MATN4: variants seen among roughly 807,000 people sequenced by gnomAD.
The protein encoded by MATN4 is matrilin 4.
In MATN4, 40 loss-of-function variants were observed where a neutral mutation model predicts 54.6. That is an observed-to-expected ratio of 0.73 (90% CI 0.57 to 0.95). MATN4 has a LOEUF of 0.95. Ranked by LOEUF, MATN4 falls within the 40% of genes least tolerant of loss-of-function variation. The probability of loss-of-function intolerance (pLI) is 0.00; values close to 1 mark genes in which losing one functional copy is unlikely to be tolerated. For synonymous variants in MATN4, 351 were observed against 345.3 expected, an observed-to-expected ratio of 1.02 and a Z score of -0.18; for missense variants, 810 against 819.1, an observed-to-expected ratio of 0.99 and a Z score of 0.13.
chr20:45,305,583 G>T lies in MATN4; in HGVS notation c.-1C>A. The T allele has an allele frequency of 6.4e-7, 1 of 1,557,530 alleles. No individual in the cohort carries two copies. The highest frequency in any genetic ancestry group is 1.2e-5 in the South Asian group (1 of 84,368). On this transcript the variant is annotated 5_prime_UTR_variant, in exon 2 of 10. Coordinates refer to ENST00000372756, the MANE Select transcript of MATN4 (RefSeq NM_001393530.1). ...CGGGCCAGCAAAGAAGGCCTCTCAT[G>T]GCGCTTGGGGACAGAGAATGGAGGT...
At chr20:45,296,680 A>G (rs1003721428) in intron 8 of MATN4, among the ~76,000 whole-genome samples, 1 of 152,190 alleles carries the variant, frequency 6.6e-6, no homozygotes, top group African/African-American at 2.4e-5. Context: ...TCACATAGGA[A>G]GAGCTCTGAA....
At chr20:45,303,424 C>G (rs1295917683) in intron 3 of MATN4, 1 of 716,996 alleles carries the variant, frequency 1.4e-6, no homozygotes, top group Non-Finnish European at 2.6e-6. Context: ...TAGCTTGTAG[C>G]CTGGGTTGCA....
Position 45,301,091 on chromosome 20 carries a change from G to C in MATN4, c.889+11C>G. ...TTACCCCTCCCACAAATGTAGGAGA[G>C]CCCTCCTCACCCTGACAGCTCCTCC... On this transcript the variant is annotated intron_variant, in intron 5 of 9. Transcript: ENST00000372756. 6.2e-7 allele frequency: 1 copy of C among 1,614,080 alleles called. No homozygotes were observed. Among genetic ancestry groups the C allele is most frequent in the Non-Finnish European group, 8.5e-7 (1 of 1,180,006 alleles).
In MATN4 at chr20:45,293,498, A is replaced by G. The variant is rs1985598791; in HGVS notation, c.*269T>C. On this transcript the variant is annotated 3_prime_UTR_variant, in exon 10 of 10. Transcript: ENST00000372756. ...TTTAAGAACACAAACAAGAAATCCAACAAAGAACTGAGCGCAGCACGCGGC... is the reference window on the plus strand; with the variant it reads ...TTTAAGAACACAAACAAGAAATCCAGCAAAGAACTGAGCGCAGCACGCGGC... The G allele has an allele frequency of 1.7e-5, 7 of 420,714 alleles. No homozygotes were observed. The highest frequency in any genetic ancestry group is 2.5e-5 in the Non-Finnish European group (6 of 239,640). The allele number at this position is 420,714 out of a possible 1,614,324, so 26.1% of individuals were successfully genotyped here.
At position 45,304,296 on chromosome 20, in the gene MATN4, T is replaced by C. The variant is rs772372667; in HGVS notation, c.575A>G (p.His192Arg). 1 of 1,549,928 alleles carries C rather than the reference T, an allele frequency of 6.5e-7. No individual in the cohort carries two copies. Among genetic ancestry groups the C allele is most frequent in the Non-Finnish European group, 8.7e-7 (1 of 1,151,168 alleles). The stretch of plus-strand genomic sequence containing the variant: ...GTCGAAGGACTCTACGAGGAAGACG[T>C]GCTCGTCTAGCGGGGGCGATGCCAT... ...RAMASPPLDE[H>R]VFLVESFDLI... Residue 192 changes from histidine to arginine, a missense_variant, in exon 3 of 10, where the codon CAC becomes CGC. By Grantham distance (29) the His-to-Arg change is conservative. Coordinates refer to ENST00000372756, the MANE Select transcript of MATN4 (RefSeq NM_001393530.1).
chr20:45,296,452 T>C (rs780454841), intron 8 of MATN4, among the ~76,000 whole-genome samples: 5 of 152,156 alleles, frequency 3.3e-5, no homozygotes, highest in Non-Finnish European at 5.9e-5. Flanking sequence ...GACCCCTAAC[T>C]TCACAGATTT....
rs7362538 is a variant in MATN4, at chr20:45,298,270, T to G, written c.1326A>C (p.Ala442=). The change falls in exon 7 of 10, where the codon GCA becomes GCC. Residue 442 remains alanine (A), a synonymous_variant. Coordinates refer to ENST00000372756, the MANE Select transcript of MATN4 (RefSeq NM_001393530.1). The surrounding 1 kb of genome is among the most constrained non-coding windows in gnomAD (Gnocchi z 4.6). ...GAGGCACGTTAAGGGCACGGGGCCG[T>G]GCACCCTGCGCCTCGGAGAAGCTGT... The part of the protein sequence containing the change: ...VEHSFSEAQG[A]RPRALNVPRV... 1.2e-6 allele frequency: 2 copies of G among 1,613,382 alleles called. No individual in the cohort carries two copies. Among genetic ancestry groups the G allele is most frequent in the Non-Finnish European group, 1.7e-6 (2 of 1,179,870 alleles).
intron 3 of MATN4, among the ~76,000 whole-genome samples, chr20:45,302,247 T>C (rs185443422): frequency 4.6e-5 from 7 of 152,028 alleles, no homozygotes; most frequent in African/African-American, 1.2e-4. Context: ...TGGAGAGAGA[T>C]TTGAATGTTA....
In MATN4 at chr20:45,297,976, G is replaced by A. The variant is rs1349968833; in HGVS notation, c.1521C>T (p.Ala507=). 1.2e-6 allele frequency: 2 copies of A among 1,614,190 alleles called. No individual in the cohort carries two copies. The highest frequency in any genetic ancestry group is 1.7e-6 in the Non-Finnish European group (2 of 1,180,038). The change falls in exon 8 of 10, where the codon GCC becomes GCT. Residue 507 remains alanine (A), a synonymous_variant. Coordinates refer to ENST00000372756, the MANE Select transcript of MATN4 (RefSeq NM_001393530.1). ...GGTGCGTCATGGTGCCGAAGTCCGGGGCATAGGACACGTGCAGTTCCGCTG... is the reference window on the plus strand; with the variant it reads ...GGTGCGTCATGGTGCCGAAGTCCGGAGCATAGGACACGTGCAGTTCCGCTG... ...SEPAELHVSY[A]PDFGTMTHLL...
At chr20:45,304,964 T>C (rs1384480408) in intron 2 of MATN4, among the ~76,000 whole-genome samples, 167 bp from the exon 3 acceptor site, 3 of 152,222 alleles carry the variant, frequency 2.0e-5, no homozygotes, top group Admixed American at 2.0e-4. Context: ...GCACCTGGGC[T>C]AGGAGATTTC....
rs1986047787 is a variant in MATN4 at position 45,298,933 on chromosome 20, C to A, written c.1013-350G>T. On this transcript the variant is annotated intron_variant, in intron 6 of 9. Transcript: ENST00000372756. This position sits in a 1 kb window ranked among gnomAD's most constrained non-coding sequence, Gnocchi z 4.6. Reference sequence around the variant, plus strand: ...CTTCTAAGCACTCTACCAGTATTAACAATAATAATAACAAAAACATTATTT... The same window carrying A: ...CTTCTAAGCACTCTACCAGTATTAAAAATAATAATAACAAAAACATTATTT... Among the ~76,000 whole-genome samples, 1 of 152,144 alleles carries A rather than the reference C, an allele frequency of 6.6e-6. No individual in the cohort carries two copies. The highest frequency in any genetic ancestry group is 2.4e-5 in the African/African-American group (1 of 41,432).
chr20:45,293,982 C>T lies in MATN4; in HGVS notation c.1613G>A (p.Ser538Asn), dbSNP rs1462415014. The T allele has an allele frequency of 6.2e-7, 1 of 1,603,222 alleles. No homozygotes were observed. The change falls in exon 9 of 10, where the codon AGC becomes AAC. Residue 538 changes from serine (S) to asparagine (N), a missense_variant. Ser to Asn is a conservative substitution (Grantham distance 46). Transcript: ENST00000372756. ...EGISAGTELRSPCECESLVEF... is the reference protein window; with the variant it reads ...EGISAGTELRNPCECESLVEF... ...CACGAGGCTTTCGCATTCGCATGGG[C>T]TCCGAAGCTCTGTCCCTGCGCTGAT...
intron 3 of MATN4, chr20:45,303,551 G>C: frequency 1.5e-6 from 1 of 678,402 alleles, no homozygotes; most frequent in Non-Finnish European, 2.8e-6. Context: ...GGAACAGATG[G>C]GCAGAAGCCT....
intron 3 of MATN4, chr20:45,303,629 G>A: frequency 6.5e-6 from 4 of 611,330 alleles, no homozygotes; most frequent in Non-Finnish European, 1.2e-5. Context: ...CTTTCAGAAG[G>A]AAATGACTAA....
Position 45,304,318 on chromosome 20 carries a change from C to T in MATN4, c.553G>A (p.Ala185Thr). 2 of 1,525,410 alleles carry T rather than the reference C, an allele frequency of 1.3e-6. No individual in the cohort carries two copies. The highest frequency in any genetic ancestry group is 8.8e-7 in the Non-Finnish European group (1 of 1,138,542). 94.5% of individuals were successfully genotyped at this position (1,525,410 alleles called of 1,614,324 possible). ...ACGTGCTCGTCTAGCGGGGGCGATGCCATGGCGCGCAGGGAGCCCACGTCC... is the reference window on the plus strand; with the variant it reads ...ACGTGCTCGTCTAGCGGGGGCGATGTCATGGCGCGCAGGGAGCCCACGTCC... ...RADVGSLRAM[A>T]SPPLDEHVFL... The change falls in exon 3 of 10, where the codon GCA becomes ACA. Residue 185 changes from alanine (A) to threonine (T), a missense_variant. By Grantham distance (58) the Ala-to-Thr change is moderately conservative (BLOSUM62 0). Transcript: ENST00000372756.
chr20:45,303,291 C>T, intron 3 of MATN4: 1 of 646,064 alleles, frequency 1.5e-6, no homozygotes, highest in Non-Finnish European at 2.9e-6. Flanking sequence ...GCTTTTACTG[C>T]CAAAGGCCCT....
Position 45,293,827 on chromosome 20 carries a change from T to G in MATN4, c.1688-2A>C. ...CCAGGCGCGCCGTCAGCTGGGCCAG[T>G]GAGCGGTTAAGGAGGCCGTTGGGGT... On this transcript the variant is annotated splice_acceptor_variant, in intron 9 of 9. Coordinates refer to ENST00000372756, the MANE Select transcript of MATN4 (RefSeq NM_001393530.1). LOFTEE classifies it high-confidence loss of function. 6.2e-7 allele frequency: 1 copy of G among 1,611,458 alleles called. No individual in the cohort carries two copies. Among genetic ancestry groups the G allele is most frequent in the South Asian group, 1.1e-5 (1 of 91,058 alleles).
chr20:45,305,521 A>G lies in MATN4; in HGVS notation c.62T>C (p.Leu21Pro), dbSNP rs1256469107. ...LLLLQPWETQ[L>P]QLTGPRCHTG... ...GGGCCCCAGTTCACCTGTCAACTGG[A>G]GCTGGGTTTCCCAGGGCTGAAGAAG... is the stretch of plus-strand genomic sequence containing the variant. The change falls in exon 2 of 10, where the codon CTC becomes CCC. Residue 21 changes from leucine to proline, a missense_variant. Leu to Pro is a moderately conservative substitution (Grantham distance 98, BLOSUM62 -3). Transcript: ENST00000372756. 1 of 1,555,286 alleles carries G rather than the reference A, an allele frequency of 6.4e-7. No homozygotes were observed. Among genetic ancestry groups the G allele is most frequent in the East Asian group, 2.4e-5 (1 of 41,172 alleles).
chr20:45,308,068 C>A, intron 1 of MATN4, 107 bp downstream of exon 1: 1 of 1,043,248 alleles, frequency 9.6e-7, no homozygotes, highest in Non-Finnish European at 1.5e-6. Context: ...CACTGCAAAT[C>A]AGATAGGGCA....
Sources: allele counts gnomAD v4.1 joint callset (sites outside exome capture counted in the v4.1 genomes callset), GRCh38; gene constraint gnomAD v4.1.1; non-coding constraint Gnocchi (gnomAD v3.1); transcripts MANE v1.5; gene names NCBI Gene and HGNC (gene_info 2026-07-23, HGNC 2026-07-21).